The following CNTNAP2 variants were observed in gnomAD, a reference collection of about 807,000 sequenced individuals.
CNTNAP2 encodes contactin associated protein 2.
Under a neutral mutation model 155.2 loss-of-function variants are expected in CNTNAP2, and 98 were observed. The ratio of observed to expected loss-of-function variants is 0.63; its 90% CI spans 0.54 to 0.75. CNTNAP2 has a LOEUF of 0.75. Among genes scored for constraint, CNTNAP2 ranks in the 30% least tolerant of loss-of-function variants. The pLI, the probability that CNTNAP2 is intolerant of heterozygous loss-of-function variation, is 0.00. For synonymous variants in CNTNAP2, 651 were observed against 631.2 expected (o/e 1.03, Z -0.47); for missense variants, 1,727 against 1,688.1 (o/e 1.02, Z -0.40).
intron 1 of CNTNAP2, among the ~76,000 whole-genome samples, chr7:146,598,596 C>T (rs541696465): frequency 2.4e-4 from 36 of 152,164 alleles, no homozygotes; most frequent in Admixed American, 2.3e-3. Context: ...ACATTTAACA[C>T]AGTTGTCCTT....
chr7:147,982,606 T>C (rs79332089), intron 15 of CNTNAP2, among the ~76,000 whole-genome samples: 8,931 of 152,286 alleles, frequency 0.059, 359 homozygotes, highest in South Asian at 0.13. Context: ...ATCAAGATGA[T>C]GGTGAATATT....
intron 1 of CNTNAP2, among the ~76,000 whole-genome samples, chr7:146,424,467 G>A (rs1796059642): frequency 6.6e-6 from 1 of 152,088 alleles, no homozygotes; most frequent in African/African-American, 2.4e-5. Flanking sequence ...ATGTCTACTA[G>A]GAAATCTTGC....
At chr7:148,243,353 C>T (rs1796194500) in intron 20 of CNTNAP2, among the ~76,000 whole-genome samples, 1 of 152,184 alleles carries the variant, frequency 6.6e-6, no homozygotes, top group South Asian at 2.1e-4. Flanking sequence ...GAGAACCTGT[C>T]CTGCTAGCAG....
intron 14 of CNTNAP2, among the ~76,000 whole-genome samples, chr7:147,960,811 CCTCCCTCT>C (rs1249888937): frequency 6.9e-6 from 1 of 145,116 alleles, no homozygotes; most frequent in East Asian, 2.0e-4. Context: ...CTCCTCCTTT[CCTCCCTCT>C]CTCCCTCCTT....
chr7:146,638,033 A>C (rs1799628171), intron 1 of CNTNAP2, among the ~76,000 whole-genome samples: 1 of 152,164 alleles, frequency 6.6e-6, no homozygotes, highest in African/African-American at 2.4e-5. Context: ...TGTTGCAGTA[A>C]CCCATGCTGT....
chr7:147,277,800 T>G (rs1403414718), intron 8 of CNTNAP2, among the ~76,000 whole-genome samples: 1 of 151,760 alleles, frequency 6.6e-6, no homozygotes, highest in East Asian at 1.9e-4. Flanking sequence ...TTTCATAAAC[T>G]TTATTGATAG....
intron 15 of CNTNAP2, among the ~76,000 whole-genome samples, chr7:148,084,402 C>T (rs184831804): frequency 1.8e-4 from 28 of 152,258 alleles, no homozygotes; most frequent in East Asian, 9.7e-4. Context: ...CTCTCTGCCC[C>T]GGGACTGTGC....
intron 1 of CNTNAP2, among the ~76,000 whole-genome samples, chr7:146,753,874 T>A (rs192809468): frequency 6.6e-6 from 1 of 152,156 alleles, no homozygotes; most frequent in African/African-American, 2.4e-5. Context: ...CATGCAGACT[T>A]GAATATTTGA....
At chr7:147,335,761 A>C (rs1795653920) in intron 9 of CNTNAP2, among the ~76,000 whole-genome samples, 1 of 152,198 alleles carries the variant, frequency 6.6e-6, no homozygotes, top group Non-Finnish European at 1.5e-5. Flanking sequence ...AATATTTTAG[A>C]TTTCACAGCA....
intron 3 of CNTNAP2, among the ~76,000 whole-genome samples, chr7:146,934,087 C>G (rs1264173668): frequency 1.3e-5 from 2 of 152,096 alleles, no homozygotes; most frequent in Non-Finnish European, 2.9e-5. Flanking sequence ...CATCCTATTA[C>G]TGGGTATATA....
At chr7:147,212,115 G>A (rs147228355) in intron 8 of CNTNAP2, among the ~76,000 whole-genome samples, 1 of 152,242 alleles carries the variant, frequency 6.6e-6, no homozygotes, top group African/African-American at 2.4e-5. Context: ...TGGTGAGGCT[G>A]CAGAGAAAAG....
intron 1 of CNTNAP2, among the ~76,000 whole-genome samples, chr7:146,217,812 A>T (rs1261158243): frequency 6.6e-6 from 1 of 152,126 alleles, no homozygotes; most frequent in Admixed American, 6.6e-5. Context: ...TTATATATAG[A>T]TTGTAAGAGT....
chr7:146,645,275 G>A (rs1465678784), intron 1 of CNTNAP2, among the ~76,000 whole-genome samples: 3 of 152,102 alleles, frequency 2.0e-5, no homozygotes, highest in Admixed American at 1.3e-4. Context: ...GTTGCCATTC[G>A]AAAGAGGCAC....
intron 10 of CNTNAP2, among the ~76,000 whole-genome samples, chr7:147,439,871 G>T (rs1797608791): frequency 6.6e-6 from 1 of 151,824 alleles, no homozygotes; most frequent in East Asian, 1.9e-4. Context: ...TGAAATCTAT[G>T]TTGTCTGGTA....
chr7:147,704,375 T>C (rs889051652), intron 13 of CNTNAP2: 2 of 164,382 alleles, frequency 1.2e-5, no homozygotes, highest in Non-Finnish European at 2.9e-5. Context: ...GTTTGCCCCA[T>C]ACCAAATGGC....
chr7:147,286,643 C>T (rs771893365), intron 8 of CNTNAP2, among the ~76,000 whole-genome samples: 4 of 152,082 alleles, frequency 2.6e-5, no homozygotes, highest in African/African-American at 4.8e-5. Context: ...ACTGAAAGTG[C>T]ATACAAATTT....
intron 3 of CNTNAP2, among the ~76,000 whole-genome samples, chr7:146,942,573 A>G (rs1797077681): frequency 6.6e-6 from 1 of 152,152 alleles, no homozygotes; most frequent in African/African-American, 2.4e-5. Context: ...AATTAAAATA[A>G]AAAGGCCGAC....
chr7:147,692,953 TAGG>T (rs1796109900), intron 13 of CNTNAP2, among the ~76,000 whole-genome samples: 1 of 152,086 alleles, frequency 6.6e-6, no homozygotes. Context: ...TTGTCATTTC[TAGG>T]AGTTTTATAG....
At chr7:147,359,354 T>C (rs1796112057) in intron 9 of CNTNAP2, among the ~76,000 whole-genome samples, 1 of 152,180 alleles carries the variant, frequency 6.6e-6, no homozygotes, top group Non-Finnish European at 1.5e-5. Flanking sequence ...GTCACCTCGC[T>C]TTACTGGCTT....
Sources: gnomAD v4.1 joint callset for allele counts (sites outside exome capture counted in the v4.1 genomes callset) on GRCh38, gnomAD v4.1.1 for gene constraint, MANE v1.5 for transcripts, NCBI Gene and HGNC (gene_info 2026-07-23, HGNC 2026-07-21) for gene names.